EIF3B: variants seen among roughly 807,000 people sequenced by gnomAD.
EIF3B encodes eukaryotic translation initiation factor 3 subunit 9.
In EIF3B, 10 loss-of-function variants were observed where a neutral mutation model predicts 104.6. That is an observed-to-expected ratio of 0.10 (90% CI 0.06 to 0.16). The LOEUF (loss-of-function observed/expected upper bound fraction) is 0.16, where lower values mean the gene tolerates loss of function less well. EIF3B is among the 10% of genes least tolerant of loss of function. The pLI is 1.00. For missense variants in EIF3B, 1,014 were observed against 1,087.9 expected (o/e 0.93, Z 0.96); for synonymous variants, 542 against 417.2 (o/e 1.30, Z -3.65).
intron 16 of EIF3B, 46 bp from the exon 17 acceptor site, chr7:2,379,088 G>T (rs765811590): frequency 2.6e-6 from 4 of 1,549,212 alleles, no homozygotes; most frequent in Non-Finnish European, 3.6e-6. Context: ...GCGATGGGGA[G>T]GCACTTGTCT....
intron 2 of EIF3B, 79 bp downstream of exon 2, chr7:2,360,981 AAC>A (rs1456216485): frequency 1.6e-6 from 2 of 1,230,624 alleles, no homozygotes; most frequent in Non-Finnish European, 1.1e-6. Context: ...GATCCTTACT[AAC>A]ACAGCTCCTG....
chr7:2,364,658 G>A (rs915069307), intron 6 of EIF3B, 129 bp downstream of exon 6: 20 of 812,200 alleles, frequency 2.5e-5, no homozygotes, highest in African/African-American at 2.1e-4. Context: ...ACGCTAATAA[G>A]CTTTTTACTG....
chr7:2,363,785 C>T lies in EIF3B; in HGVS notation c.999+25C>T, dbSNP rs771741773. On this transcript the variant is annotated intron_variant, in intron 5 of 18. Transcript: ENST00000360876. ...GGTGTGTATTTGCTGCTGCTGGGGG[C>T]GGGGACTCACCTCTCCTGTATTTCC... 5.6e-6 allele frequency: 9 copies of T among 1,607,492 alleles called. No individual in the cohort carries two copies. In the African/African-American group the frequency reaches 8.0e-5, roughly 14 times the overall value.
upstream of EIF3B, among the ~76,000 whole-genome samples, chr7:2,354,700 T>G (rs1307435018): frequency 6.6e-6 from 1 of 152,136 alleles, no homozygotes; most frequent in Non-Finnish European, 1.5e-5. Context: ...GTCACAAATA[T>G]ATCAGTTTGA....
intron 10 of EIF3B, 83 bp downstream of exon 10, chr7:2,369,765 ATTTTTTTTTTTTTTTT>A (rs552367791): frequency 5.2e-5 from 19 of 366,234 alleles, no homozygotes; most frequent in Non-Finnish European, 7.6e-5. Flanking sequence ...GTGTTAATGG[ATTTTTTTTTTTTTTTT>A]TTTTTTTTTT....
intron 13 of EIF3B, 113 bp from the exon 14 acceptor site, chr7:2,375,276 T>C: frequency 7.2e-6 from 10 of 1,390,132 alleles, no homozygotes; most frequent in Non-Finnish European, 1.0e-5. Context: ...CTTGTTTCCA[T>C]GTTAACGCCG....
chr7:2,355,450 C>A, intron 1 of EIF3B, 30 bp downstream of exon 1: 25 of 1,420,230 alleles, frequency 1.8e-5, no homozygotes, highest in Non-Finnish European at 2.3e-5. Flanking sequence ...GGCTGGCGAG[C>A]GGCGCGGGAG....
chr7:2,360,941 G>T (rs1392318951), intron 2 of EIF3B, 39 bp downstream of exon 2: 8 of 1,524,966 alleles, frequency 5.2e-6, no homozygotes, highest in Non-Finnish European at 7.2e-6. Flanking sequence ...ATCTGTGTCT[G>T]GCACGTCATG....
chr7:2,376,914 C>T (rs1459212598), intron 14 of EIF3B, 36 bp from the exon 15 acceptor site: 3 of 1,593,838 alleles, frequency 1.9e-6, no homozygotes, highest in Non-Finnish European at 2.6e-6. Context: ...GCTCTCTGAC[C>T]CCTCTGTGTC....
intron 14 of EIF3B, 183 bp from the exon 15 acceptor site, chr7:2,376,767 G>C: frequency 1.3e-6 from 1 of 757,266 alleles, no homozygotes; most frequent in Non-Finnish European, 2.0e-6. Context: ...ACTCCGGGTC[G>C]GTTGCATAAT....
At chr7:2,356,545 G>T (rs1779451935) in intron 1 of EIF3B, among the ~76,000 whole-genome samples, 1 of 150,688 alleles carries the variant, frequency 6.6e-6, no homozygotes, top group African/African-American at 2.4e-5. Flanking sequence ...GGAGCTTGCA[G>T]TGAGCCGAGA....
At chr7:2,363,235 T>A in intron 4 of EIF3B, 108 bp downstream of exon 4, 1 of 1,159,152 alleles carries the variant, frequency 8.6e-7, no homozygotes, top group Non-Finnish European at 1.3e-6. Flanking sequence ...GGAGGATCGC[T>A]TAAGCCCAGG....
At chr7:2,365,159 C>T (rs1260547264) in intron 6 of EIF3B, among the ~76,000 whole-genome samples, 4 of 152,216 alleles carry the variant, frequency 2.6e-5, no homozygotes, top group Non-Finnish European at 5.9e-5. Flanking sequence ...CTTTGTTGTA[C>T]AAGGTAGTCT....
At chr7:2,363,020 T>C in intron 3 of EIF3B, 50 bp from the exon 4 acceptor site, 1 of 1,601,556 alleles carries the variant, frequency 6.2e-7, no homozygotes. Flanking sequence ...CACGAGTTGC[T>C]CTTTCTAGTC....
chr7:2,356,090 A>AT (rs903401051), intron 1 of EIF3B, among the ~76,000 whole-genome samples: 2 of 151,774 alleles, frequency 1.3e-5, no homozygotes, highest in African/African-American at 2.4e-5. Flanking sequence ...TGTCTCAGAG[A>AT]TTTTTTCCTG....
chr7:2,378,416 A>AT (rs1780793577), intron 15 of EIF3B: 1 of 301,384 alleles, frequency 3.3e-6, no homozygotes, highest in Non-Finnish European at 5.9e-6. Context: ...CCTGGGTGTC[A>AT]TGGAGGAAGG....
chr7:2,378,891 C>A (rs915497064), intron 16 of EIF3B, 125 bp downstream of exon 16: 1 of 912,308 alleles, frequency 1.1e-6, no homozygotes, highest in Non-Finnish European at 1.7e-6. Flanking sequence ...TGGTTCTGTT[C>A]CCCCCCAGGA....
chr7:2,366,973 C>G, intron 8 of EIF3B, 26 bp from the exon 9 acceptor site: 1 of 1,609,266 alleles, frequency 6.2e-7, no homozygotes, highest in Non-Finnish European at 8.5e-7. Context: ...TTTGACTCAA[C>G]TGCAGCCTTC....
chr7:2,377,554 G>A (rs56232594), intron 15 of EIF3B, among the ~76,000 whole-genome samples: 63 of 53,806 alleles, frequency 1.2e-3, no homozygotes, highest in Admixed American at 1.6e-3. Flanking sequence ...AGGCACGAGC[G>A]CTCCTGGGAT....
Sources: gnomAD v4.1 joint callset for allele counts (sites outside exome capture counted in the v4.1 genomes callset) on GRCh38, gnomAD v4.1.1 for gene constraint, MANE v1.5 for transcripts, NCBI Gene and HGNC (gene_info 2026-07-23, HGNC 2026-07-21) for gene names.